Variants in EML1 observed in about 807,000 individuals in gnomAD.
The protein encoded by EML1 is echinoderm microtubule-associated protein-like 1.
A neutral mutation model predicts 110.4 loss-of-function variants in EML1; 27 were observed. The observed-to-expected ratio is 0.24, with a 90% CI of 0.18 to 0.34. EML1 has a LOEUF of 0.34. EML1 is among the 10% of genes least tolerant of loss of function. The pLI, the probability that EML1 is intolerant of heterozygous loss-of-function variation, is 1.00. For synonymous variants in EML1, 344 were observed against 385.8 expected (o/e 0.89, Z 1.27); for missense variants, 741 against 1,030.9 (o/e 0.72, Z 3.85).
At chr14:99,829,280 C>T (rs1324296307) in intron 1 of EML1, among the ~76,000 whole-genome samples, 1 of 152,154 alleles carries the variant, frequency 6.6e-6, no homozygotes, top group African/African-American at 2.4e-5. Flanking sequence ...CTGGAGGAGG[C>T]TCTGCCTTTT....
intron 1 of EML1, among the ~76,000 whole-genome samples, chr14:99,751,417 G>A (rs1289370826): frequency 3.9e-5 from 6 of 152,192 alleles, no homozygotes; most frequent in East Asian, 1.9e-4. Context: ...TCAGCCATTC[G>A]ACTAACATTT....
intron 10 of EML1, 122 bp downstream of exon 10, chr14:99,907,855 A>G: frequency 1.2e-6 from 1 of 826,824 alleles, no homozygotes; most frequent in Non-Finnish European, 1.9e-6. Flanking sequence ...TGACGCCTTC[A>G]CCTTAGAATC....
intron 1 of EML1, among the ~76,000 whole-genome samples, chr14:99,751,967 A>G (rs138894829): frequency 6.6e-6 from 1 of 152,228 alleles, no homozygotes; most frequent in African/African-American, 2.4e-5. Context: ...GCAGGAGGGA[A>G]TGTTCATTCT....
intron 1 of EML1, among the ~76,000 whole-genome samples, chr14:99,849,872 A>G (rs1182225061): frequency 6.6e-6 from 1 of 151,618 alleles, no homozygotes; most frequent in African/African-American, 2.4e-5. Context: ...TGTGTTCATT[A>G]AATTTGTGCT....
intron 7 of EML1, 68 bp from the exon 8 acceptor site, chr14:99,898,165 T>A: frequency 1.5e-6 from 2 of 1,358,384 alleles, no homozygotes; most frequent in Non-Finnish European, 2.0e-6. Flanking sequence ...GACTAGATTA[T>A]ATTTGAGCAA....
intron 2 of EML1, 128 bp from the exon 3 acceptor site, chr14:99,865,386 C>A: frequency 8.4e-7 from 1 of 1,186,048 alleles, no homozygotes; most frequent in Non-Finnish European, 1.2e-6. Flanking sequence ...GAGTTGCTCA[C>A]TCGCTCACTG....
At chr14:99,930,629 CTTA>C (rs1219106399) in intron 17 of EML1, among the ~76,000 whole-genome samples, 3 of 152,188 alleles carry the variant, frequency 2.0e-5, no homozygotes, top group Non-Finnish European at 4.4e-5. Flanking sequence ...CTCCCTCAGG[CTTA>C]TTAAATACAG....
At chr14:99,913,277 A>G (rs1278910112) in intron 13 of EML1, among the ~76,000 whole-genome samples, 1 of 151,530 alleles carries the variant, frequency 6.6e-6, no homozygotes, top group Non-Finnish European at 1.5e-5. Flanking sequence ...GGCTCAAGTA[A>G]TTCTCCCACC....
At chr14:99,853,373 C>T (rs1459866458) in intron 2 of EML1, among the ~76,000 whole-genome samples, 1 of 151,702 alleles carries the variant, frequency 6.6e-6, no homozygotes, top group African/African-American at 2.4e-5. Flanking sequence ...GGGGCGTGCC[C>T]GTGGGAGGGG....
chr14:99,891,602 G>A (rs868045859), intron 5 of EML1, among the ~76,000 whole-genome samples: 1 of 152,062 alleles, frequency 6.6e-6, no homozygotes, highest in East Asian at 1.9e-4. Context: ...TTTCTCTTAG[G>A]GGAAAGTTTC....
chr14:99,868,296 T>A (rs2059135966), intron 3 of EML1, among the ~76,000 whole-genome samples: 1 of 152,200 alleles, frequency 6.6e-6, no homozygotes, highest in African/African-American at 2.4e-5. Flanking sequence ...TGTCTTTGTC[T>A]GGTTTTGGTA....
chr14:99,832,766 T>A (rs2058480279), intron 1 of EML1, among the ~76,000 whole-genome samples: 1 of 152,236 alleles, frequency 6.6e-6, no homozygotes, highest in African/African-American at 2.4e-5. Flanking sequence ...GGATACAAGT[T>A]CTTTATCAGA....
chr14:99,936,065 G>A lies in EML1; in HGVS notation c.1946G>A (p.Cys649Tyr). The change falls in exon 18 of 22, where the codon TGC becomes TAC. Residue 649 changes from cysteine (C) to tyrosine (Y), a missense_variant. This residue lies in a region of EML1 where 388 missense variants were observed against 605.6 expected (regional missense o/e 0.64). Coordinates refer to ENST00000262233, the MANE Select transcript of EML1 (RefSeq NM_004434.3). The surrounding 1 kb of genome is among the most constrained non-coding windows in gnomAD (Gnocchi z 5.5). ...NFLAIGSHDN[C>Y]IYIYGVSDNG... ...TTAGCCATAGGCTCACATGACAACT[G>A]CATCTATATATATGGCGTTAGTGAC... is the stretch of plus-strand genomic sequence containing the variant. 1 of 1,614,082 alleles carries A rather than the reference G, an allele frequency of 6.2e-7. No individual in the cohort carries two copies. Among genetic ancestry groups the A allele is most frequent in the Non-Finnish European group, 8.5e-7 (1 of 1,180,026 alleles).
intron 9 of EML1, 93 bp from the exon 10 acceptor site, chr14:99,907,545 T>C (rs2059872125): frequency 2.7e-6 from 3 of 1,120,534 alleles, no homozygotes; most frequent in African/African-American, 1.6e-5. Context: ...TAGCAGACTC[T>C]TTATTAAAAA....
rs79239060 is a variant in EML1 at position 99,922,075 on chromosome 14, C to A, written c.1909+1198C>A. Reference sequence around the variant, plus strand: ...TTAATCCATGTTACTGTGCACAGAGCAGTACTATATTCCTTCTAATTGCTG... The same window carrying A: ...TTAATCCATGTTACTGTGCACAGAGAAGTACTATATTCCTTCTAATTGCTG... On this transcript the variant is annotated intron_variant, in intron 17 of 21. Transcript: ENST00000262233. Among the ~76,000 whole-genome samples, 733 of 152,256 alleles carry A rather than the reference C, an allele frequency of 4.8e-3. 4 individuals carry two copies. The highest frequency in any genetic ancestry group is 7.4e-3 in the Non-Finnish European group (504 of 68,020).
intron 1 of EML1, among the ~76,000 whole-genome samples, chr14:99,757,338 C>CA (rs565061924): frequency 0.011 from 1,021 of 96,112 alleles, 12 homozygotes; most frequent in African/African-American, 0.029. Context: ...GACTCCATTT[C>CA]AAAAAAAAAA....
intron 16 of EML1, among the ~76,000 whole-genome samples, chr14:99,918,061 T>C (rs1338651773): frequency 2.6e-5 from 4 of 152,142 alleles, no homozygotes; most frequent in East Asian, 1.9e-4. Flanking sequence ...ATAGACCCTC[T>C]CTCCTGGAAA....
At chr14:99,803,085 A>G (rs181537910) in intron 1 of EML1, among the ~76,000 whole-genome samples, 4 of 152,024 alleles carry the variant, frequency 2.6e-5, no homozygotes, top group Non-Finnish European at 4.4e-5. Context: ...CATTAGATAT[A>G]AGCTCCTCTG....
intron 17 of EML1, among the ~76,000 whole-genome samples, chr14:99,921,920 G>T (rs1237189776): frequency 6.6e-6 from 1 of 152,032 alleles, no homozygotes; most frequent in Non-Finnish European, 1.5e-5. Flanking sequence ...CTCACCCCCA[G>T]TCCGAGGAAA....
Sources: allele counts gnomAD v4.1 joint callset (sites outside exome capture counted in the v4.1 genomes callset), GRCh38; gene constraint gnomAD v4.1.1; regional missense constraint gnomAD v4.1.1; non-coding constraint Gnocchi (gnomAD v3.1); transcripts MANE v1.5; gene names NCBI Gene and HGNC (gene_info 2026-07-23, HGNC 2026-07-21).